The following ATP8B3 variants were observed in gnomAD, a reference collection of about 807,000 sequenced individuals.
The protein encoded by ATP8B3 is phospholipid-transporting ATPase IK.
In ATP8B3, 141 loss-of-function variants were observed where a neutral mutation model predicts 140.9. That is an observed-to-expected ratio of 1.00 (90% CI 0.87 to 1.15). The LOEUF is 1.15. Among genes scored for constraint, ATP8B3 ranks in the 50% most tolerant of loss-of-function variants. The pLI is 0.00. For synonymous variants in ATP8B3, 765 were observed against 714.6 expected (o/e 1.07, Z -1.13); for missense variants, 1,874 against 1,740.6 (o/e 1.08, Z -1.36).
At chr19:1,809,192 G>GA (rs1285989570) in intron 4 of ATP8B3, among the ~76,000 whole-genome samples, 2 of 144,044 alleles carry the variant, frequency 1.4e-5, no homozygotes, top group African/African-American at 5.2e-5. Context: ...ACAGAAAAAA[G>GA]AAAAAAGAGG....
At position 1,785,714 on chromosome 19, in the gene ATP8B3, G is replaced by A. The variant is rs1600388625; in HGVS notation, c.3154-6C>T. The A allele has an allele frequency of 2.8e-6, 4 of 1,452,824 alleles. No individual in the cohort carries two copies. Among genetic ancestry groups the A allele is most frequent in the East Asian group, 3.3e-5 (1 of 30,410 alleles). The allele number at this position is 1,452,824 out of a possible 1,614,324, so 90.0% of individuals were successfully genotyped here. ...CTCTGCTCTGCGCTCACGTCCTTGG[G>A]GCAAGCAGAAGCTCTTGGGATTGGG... On this transcript the variant is annotated splice_polypyrimidine_tract_variant and splice_region_variant and intron_variant, in intron 25 of 28. Transcript: ENST00000310127.
chr19:1,807,334 C>A lies in ATP8B3; in HGVS notation c.517-68G>T. On this transcript the variant is annotated intron_variant, in intron 5 of 28. Coordinates refer to ENST00000310127, the MANE Select transcript of ATP8B3 (RefSeq NM_138813.4). The surrounding 1 kb of genome is among the most constrained non-coding windows in gnomAD (Gnocchi z 5.9). ...CCCCGTCCCCTGCCCTTCCACCAAG[C>A]CGACCTAGCCCCGCACTCGACACCA... 1 of 1,319,670 alleles carries A rather than the reference C, an allele frequency of 7.6e-7. No individual in the cohort carries two copies. The highest frequency in any genetic ancestry group is 1.1e-6 in the Non-Finnish European group (1 of 926,674). The allele number at this position is 1,319,670 out of a possible 1,614,324, so 81.7% of individuals were successfully genotyped here. A position where few individuals can be genotyped will look rare whatever the true frequency, so the allele number is the denominator to read the frequency against.
At chr19:1,795,834 C>T (rs920956515) in intron 18 of ATP8B3, 41 bp downstream of exon 18, 2 of 1,293,320 alleles carry the variant, frequency 1.5e-6, no homozygotes, top group Non-Finnish European at 2.2e-6. Context: ...CACACACACA[C>T]ACACACACAC....
Position 1,790,824 on chromosome 19 carries a change from CAGCCG to C in ATP8B3, c.2306_2310del (p.Thr769SerfsTer23), listed in dbSNP as rs758091691. 3.1e-6 allele frequency: 5 copies of C among 1,600,532 alleles called. No homozygotes were observed. The Admixed American group carries it at 6.8e-5, about 22-fold the overall frequency. ...AGCTCGCAGGCGAAGCCGATGTTCA[CAGCCG>C]TTTCTGCGAAGCAGACCAGCTCAGC... On this transcript the variant is annotated frameshift_variant, in exon 21 of 29. Transcript: ENST00000310127. LOFTEE classifies it high-confidence loss of function.
At position 1,806,543 on chromosome 19, in the gene ATP8B3, T is replaced by C. The variant is rs2069026971; in HGVS notation, c.677+85A>G. Reference sequence around the variant, plus strand: ...CCGGGAGATCAGGGAGCACGGAAGGTGATGGACACTTGCCGAGGCCGATGA... The same window carrying C: ...CCGGGAGATCAGGGAGCACGGAAGGCGATGGACACTTGCCGAGGCCGATGA... On this transcript the variant is annotated intron_variant, in intron 7 of 28. Transcript: ENST00000310127. This position sits in a 1 kb window ranked among gnomAD's most constrained non-coding sequence, Gnocchi z 5.6. 1 of 1,536,428 alleles carries C rather than the reference T, an allele frequency of 6.5e-7. No homozygotes were observed. The highest frequency in any genetic ancestry group is 1.4e-5 in the African/African-American group (1 of 72,856).
In ATP8B3 at chr19:1,796,813, G is replaced by C; in HGVS notation, c.1651C>G (p.His551Asp). 1 of 1,612,600 alleles carries C rather than the reference G, an allele frequency of 6.2e-7. No individual in the cohort carries two copies. The highest frequency in any genetic ancestry group is 1.1e-5 in the South Asian group (1 of 91,074). ...KLLFHNAALLHLVRTNGDEAV... is the reference protein window; with the variant it reads ...KLLFHNAALLDLVRTNGDEAV... ...TCGTCCCCGTTGGTCCGCACGAGGT[G>C]CAGCAGGGCCGCATTGTGGAAGAGC... is the stretch of plus-strand genomic sequence containing the variant. Residue 551 changes from histidine (H) to aspartate (D), a missense_variant, in exon 16 of 29, where the codon CAC (histidine) becomes GAC (aspartate). This residue lies in a region of ATP8B3 where 1,032 missense variants were observed against 963.6 expected (regional missense o/e 1.07). Transcript: ENST00000310127.
chr19:1,785,965 T>A (rs2068293242), intron 25 of ATP8B3, among the ~76,000 whole-genome samples: 1 of 151,416 alleles, frequency 6.6e-6, no homozygotes, highest in Non-Finnish European at 1.5e-5. Context: ...ACCCCCCATC[T>A]CCAAAAAAAC....
intron 28 of ATP8B3, among the ~76,000 whole-genome samples, chr19:1,783,546 C>T (rs1568612644): frequency 6.6e-6 from 1 of 152,164 alleles, no homozygotes; most frequent in East Asian, 1.9e-4. Flanking sequence ...GGACTTAACT[C>T]GGGACCACCC....
Position 1,805,833 on chromosome 19 carries a change from C to T in ATP8B3, c.821+55G>A. 1.9e-6 allele frequency: 3 copies of T among 1,604,098 alleles called. No individual in the cohort carries two copies. The highest frequency in any genetic ancestry group is 2.6e-6 in the Non-Finnish European group (3 of 1,172,930). ...CCTTGGTGACTGGGGAAGGGGGCTC[C>T]TCCGGGCCATGCTCCCCACCCCCCA... is the stretch of plus-strand genomic sequence containing the variant. On this transcript the variant is annotated intron_variant, in intron 9 of 28. Transcript: ENST00000310127. This position sits in a 1 kb window ranked among gnomAD's most constrained non-coding sequence, Gnocchi z 5.2.
rs751202182 is a variant in ATP8B3 at position 1,783,203 on chromosome 19, C to T, written c.3728G>A (p.Arg1243Gln). The T allele has an allele frequency of 2.7e-5, 44 of 1,612,542 alleles. No homozygotes were observed. Among genetic ancestry groups the T allele is most frequent in the Middle Eastern group, 1.6e-4 (1 of 6,084 alleles). The change falls in exon 29 of 29, where the codon CGG becomes CAG. Residue 1243 changes from arginine to glutamine, a missense_variant. Transcript: ENST00000310127. ...GCTGGAACGGCGGGCACGAGACTCC[C>T]GGTGTACATGAGGCAAGGGCTCCAT... is the stretch of plus-strand genomic sequence containing the variant. ...FTMEPLPHVH[R>Q]ESRARRSSYA...
In ATP8B3 at chr19:1,794,026, G is replaced by A. The variant is rs763932392; in HGVS notation, c.2055+1849C>T. Among the ~76,000 whole-genome samples, 3 of 150,396 alleles carry A rather than the reference G, an allele frequency of 2.0e-5. No homozygotes were observed. The highest frequency in any genetic ancestry group is 3.0e-5 in the Non-Finnish European group (2 of 67,674). ...ACTGGGATTACAGGCGTGAGCCATC[G>A]CGCCAGCCTGTTTATTAAGAGACAG... On this transcript the variant is annotated intron_variant, in intron 18 of 28. Transcript: ENST00000310127. This position sits in a 1 kb window ranked among gnomAD's most constrained non-coding sequence, Gnocchi z 4.8.
rs377166900 is a variant in ATP8B3, at chr19:1,784,756, C to T, written c.3660+63G>A. 151 of 1,516,076 alleles carry T rather than the reference C, an allele frequency of 1.0e-4. No individual in the cohort carries two copies. The East Asian group carries it at 3.1e-3, about 31-fold the overall frequency. 93.9% of individuals were successfully genotyped at this position (1,516,076 alleles called of 1,614,324 possible). ...CACCTTGCAGTCCCTACGCCCTGCACGGCTCCCCAACCAGGGTCCTGGAAT... is the reference window on the plus strand; with the variant it reads ...CACCTTGCAGTCCCTACGCCCTGCATGGCTCCCCAACCAGGGTCCTGGAAT... On this transcript the variant is annotated intron_variant, in intron 28 of 28. Coordinates refer to ENST00000310127, the MANE Select transcript of ATP8B3 (RefSeq NM_138813.4).
chr19:1,796,016 A>T (rs1185513856), intron 17 of ATP8B3, 29 bp from the exon 18 acceptor site: 3 of 1,612,208 alleles, frequency 1.9e-6, no homozygotes, highest in Non-Finnish European at 2.5e-6. Flanking sequence ...TGCTGCCCAC[A>T]GAGGCTCCCC....
intron 28 of ATP8B3, among the ~76,000 whole-genome samples, chr19:1,783,614 A>C (rs1487923959): frequency 1.3e-5 from 2 of 151,968 alleles, no homozygotes; most frequent in African/African-American, 4.8e-5. Context: ...TCCTTCCCCG[A>C]CTCTGGACCA....
rs2068800110 is a variant in ATP8B3, at chr19:1,800,196, T to G, written c.1344-41A>C. 2 of 1,586,924 alleles carry G rather than the reference T, an allele frequency of 1.3e-6. No individual in the cohort carries two copies. Among genetic ancestry groups the G allele is most frequent in the Non-Finnish European group, 1.7e-6 (2 of 1,165,804 alleles). ...GGGTCACGGTCAGCCCCGCCTGCTGTGTGCCATCCCCATGCCTCCCCGTTC... is the reference window on the plus strand; with the variant it reads ...GGGTCACGGTCAGCCCCGCCTGCTGGGTGCCATCCCCATGCCTCCCCGTTC... On this transcript the variant is annotated intron_variant, in intron 13 of 28. Coordinates refer to ENST00000310127, the MANE Select transcript of ATP8B3 (RefSeq NM_138813.4). The surrounding 1 kb of genome is among the most constrained non-coding windows in gnomAD (Gnocchi z 4.4).
rs879197642 is a variant in ATP8B3, at chr19:1,796,852, C to T, written c.1612G>A (p.Ala538Thr). The T allele has an allele frequency of 4.3e-6, 7 of 1,612,210 alleles. No homozygotes were observed. The highest frequency in any genetic ancestry group is 4.0e-5 in the African/African-American group (3 of 74,884). The change falls in exon 16 of 29, where the codon GCC becomes ACC. Residue 538 changes from alanine to threonine, a missense_variant. Around this residue, in one of 3 missense-constraint regions of ATP8B3, gnomAD observed 1,032 missense variants for 963.6 expected, o/e 1.07. Coordinates refer to ENST00000310127, the MANE Select transcript of ATP8B3 (RefSeq NM_138813.4). Reference protein sequence around the residue: ...KENPYLWNKFADGKLLFHNAA... With the variant: ...KENPYLWNKFTDGKLLFHNAA... ...TTGTGGAAGAGCAGCTTCCCGTCGG[C>T]GAACTTGTTCCAGAGGTAGGGGTTC...
Position 1,805,985 on chromosome 19 carries a change from C to T in ATP8B3, c.751-27G>A. ...TGGTGTGGAGTGGGGGGCAGCGTTG[C>T]AAGAGGGGATGCAAGACAAATTGGG... On this transcript the variant is annotated intron_variant, in intron 8 of 28. Coordinates refer to ENST00000310127, the MANE Select transcript of ATP8B3 (RefSeq NM_138813.4). This position sits in a 1 kb window ranked among gnomAD's most constrained non-coding sequence, Gnocchi z 5.2. The T allele has an allele frequency of 6.2e-7, 1 of 1,611,438 alleles. No individual in the cohort carries two copies. Among genetic ancestry groups the T allele is most frequent in the Non-Finnish European group, 8.5e-7 (1 of 1,179,246 alleles).
intron 10 of ATP8B3, among the ~76,000 whole-genome samples, chr19:1,804,477 G>A (rs993366779): frequency 2.0e-5 from 3 of 152,166 alleles, no homozygotes; most frequent in Non-Finnish European, 2.9e-5. Context: ...GCCTGGTGGC[G>A]GGCGCCTGTA....
rs768597611 is a variant in ATP8B3, at chr19:1,811,605, G to T, written c.132C>A (p.Arg44=). 1.9e-6 allele frequency: 3 copies of T among 1,611,946 alleles called. No individual in the cohort carries two copies. Among genetic ancestry groups the T allele is most frequent in the African/African-American group, 2.7e-5 (2 of 74,930 alleles). The change falls in exon 2 of 29, where the codon CGC becomes CGA. Residue 44 remains arginine (R), a synonymous_variant. Transcript: ENST00000310127. ...TQEGSGPAGI[R]GGETVIRAGM... is the part of the protein sequence containing the mutation. ...CAGCTCTGATCACCGTCTCACCTCC[G>T]CGGATGCCAGCAGGACCTGAGCCTT...
Sources: gnomAD v4.1 joint callset for allele counts (sites outside exome capture counted in the v4.1 genomes callset) on GRCh38, gnomAD v4.1.1 for gene constraint, gnomAD v4.1.1 regional missense constraint, Gnocchi (gnomAD v3.1) non-coding constraint, MANE v1.5 for transcripts, NCBI Gene and HGNC (gene_info 2026-07-23, HGNC 2026-07-21) for gene names.